Variants in ASTN2 observed in about 807,000 individuals in gnomAD.
ASTN2 encodes astrotactin-2.
A neutral mutation model predicts 139.8 loss-of-function variants in ASTN2; 54 were observed. That is an observed-to-expected ratio of 0.39 (90% CI 0.31 to 0.48). The LOEUF is 0.48. ASTN2 is among the 20% of genes least tolerant of loss of function. The pLI, the probability that ASTN2 is intolerant of heterozygous loss-of-function variation, is 0.95. For synonymous variants in ASTN2, 756 were observed against 719.5 expected, an observed-to-expected ratio of 1.05 and a Z score of -0.81; for missense variants, 1,565 against 1,725.1, an observed-to-expected ratio of 0.91 and a Z score of 1.64.
chr9:117,068,541 T>C (rs896034181), intron 5 of ASTN2, among the ~76,000 whole-genome samples: 1 of 116,618 alleles, frequency 8.6e-6, no homozygotes, highest in Non-Finnish European at 1.8e-5. Flanking sequence ...TTAGGGAGGA[T>C]TCCCTCTTTT....
At chr9:117,081,857 G>T (rs1828437312) in intron 5 of ASTN2, among the ~76,000 whole-genome samples, 1 of 152,160 alleles carries the variant, frequency 6.6e-6, no homozygotes, top group African/African-American at 2.4e-5. Flanking sequence ...CACTCATACA[G>T]CTACAAGGAA....
intron 11 of ASTN2, among the ~76,000 whole-genome samples, chr9:116,825,824 A>C (rs1392895627): frequency 6.6e-6 from 1 of 152,248 alleles, no homozygotes; most frequent in Middle Eastern, 3.2e-3. Flanking sequence ...TGAGAACCCA[A>C]ATAAAATCCC....
intron 11 of ASTN2, among the ~76,000 whole-genome samples, chr9:116,862,843 TACACG>T (rs1832922348): frequency 2.9e-5 from 1 of 34,376 alleles, no homozygotes; most frequent in Non-Finnish European, 6.4e-5. Flanking sequence ...CACACACACA[TACACG>T]TTAAAAAGTC....
rs759539139 is a variant in ASTN2 at position 116,849,801 on chromosome 9, C to T, written c.2040+13782G>A. 7.2e-5 allele frequency among the ~76,000 whole-genome samples: 11 copies of T among 152,164 alleles called. 1 individual carries two copies. The highest frequency in any genetic ancestry group is 1.5e-4 in the Non-Finnish European group (10 of 68,042). On this transcript the variant is annotated intron_variant, in intron 11 of 22. Transcript: ENST00000313400. ...CTCAATTAGCAGCTTGAGGCTGTGT[C>T]CTCACATCACACCTTCTCATTGATC...
At chr9:116,703,363 C>T (rs803920) in intron 16 of ASTN2, among the ~76,000 whole-genome samples, 141,349 of 150,446 alleles carry the variant, frequency 0.94, 66,469 homozygotes, top group African/African-American at 0.98. Flanking sequence ...GAGTTCATTG[C>T]AGATTCTGGA....
intron 2 of ASTN2, among the ~76,000 whole-genome samples, chr9:117,290,645 C>A (rs924837556): frequency 6.6e-6 from 1 of 152,204 alleles, no homozygotes; most frequent in Non-Finnish European, 1.5e-5. Context: ...TCAAGAAATT[C>A]TTGAATTGAG....
intron 1 of ASTN2, among the ~76,000 whole-genome samples, chr9:117,356,764 G>C (rs1381469505): frequency 6.6e-6 from 1 of 152,142 alleles, no homozygotes; most frequent in Non-Finnish European, 1.5e-5. Flanking sequence ...TCTCAGGAAA[G>C]ATAAAGAATT....
intron 19 of ASTN2, among the ~76,000 whole-genome samples, chr9:116,490,603 G>A (rs1315995400): frequency 6.6e-6 from 1 of 152,176 alleles, no homozygotes; most frequent in Admixed American, 6.5e-5. Flanking sequence ...TGCATGGCTA[G>A]AGGGGCCTCA....
rs1196053426 is a variant in ASTN2 at position 116,951,367 on chromosome 9, AG to A, written c.1889+23840del. 5.1e-4 allele frequency among the ~76,000 whole-genome samples: 74 copies of A among 144,310 alleles called. 3 individuals are homozygous for A. Among genetic ancestry groups the A allele is most frequent in the African/African-American group, 1.7e-3 (63 of 37,924 alleles). 94.7% of individuals were successfully genotyped at this position (144,310 alleles called of 152,430 possible). ...AAAAAAAAAAAAAAAAAAAAAAAAA[AG>A]ATCTGTGGTTGTAGATACTGCCATG... On this transcript the variant is annotated intron_variant, in intron 10 of 22. Transcript: ENST00000313400.
chr9:117,167,809 A>G (rs972038878), intron 3 of ASTN2, among the ~76,000 whole-genome samples: 3 of 152,160 alleles, frequency 2.0e-5, no homozygotes, highest in Non-Finnish European at 4.4e-5. Flanking sequence ...TGAACATGTT[A>G]CAGGTAAATC....
intron 10 of ASTN2, among the ~76,000 whole-genome samples, chr9:116,873,276 A>C (rs945120304): frequency 6.6e-6 from 1 of 152,198 alleles, no homozygotes; most frequent in Non-Finnish European, 1.5e-5. Context: ...GCACATGGTG[A>C]CTGCTTTATA....
At chr9:116,905,844 TG>T (rs1834140722) in intron 10 of ASTN2, among the ~76,000 whole-genome samples, 1 of 117,400 alleles carries the variant, frequency 8.5e-6, no homozygotes, top group South Asian at 2.9e-4. Context: ...CAGCAGTAAG[TG>T]ATCCCTGTTT....
chr9:116,493,970 G>A (rs1849598053), intron 19 of ASTN2, among the ~76,000 whole-genome samples: 2 of 152,114 alleles, frequency 1.3e-5, no homozygotes, highest in East Asian at 3.9e-4. Flanking sequence ...GAGAAGCAGA[G>A]CTCTCTCTGC....
At chr9:116,534,827 TG>T (rs1210628906) in intron 19 of ASTN2, among the ~76,000 whole-genome samples, 1 of 152,216 alleles carries the variant, frequency 6.6e-6, no homozygotes, top group East Asian at 1.9e-4. Context: ...CTGAGAAGAA[TG>T]TATATTCTGT....
At chr9:117,170,956 T>G (rs1203332804) in intron 3 of ASTN2, among the ~76,000 whole-genome samples, 1 of 152,080 alleles carries the variant, frequency 6.6e-6, no homozygotes, top group Non-Finnish European at 1.5e-5. Context: ...TGCCCCTTCT[T>G]TATGTGACAG....
At chr9:117,177,558 C>T (rs978062397) in intron 3 of ASTN2, among the ~76,000 whole-genome samples, 1 of 152,110 alleles carries the variant, frequency 6.6e-6, no homozygotes, top group African/African-American at 2.4e-5. Context: ...CAATGTTTTG[C>T]AAATATTTTC....
chr9:116,463,449 C>T (rs1848553634), intron 20 of ASTN2, among the ~76,000 whole-genome samples: 1 of 152,198 alleles, frequency 6.6e-6, no homozygotes, highest in African/African-American at 2.4e-5. Context: ...TCTCAGCCTT[C>T]ATTATATGCT....
rs73657623 is a variant in ASTN2 at position 117,032,150 on chromosome 9, G to A, written c.1423+7669C>T. On this transcript the variant is annotated intron_variant, in intron 6 of 22. Transcript: ENST00000313400. ...ATATAATTCTAGGTAATGTTCATGA[G>A]AGGTGATATTATTTGTCTCTAAGGA... is the stretch of plus-strand genomic sequence containing the variant. Among the ~76,000 whole-genome samples the A allele has an allele frequency of 4.7e-3, 723 of 152,252 alleles. 1 individual carries two copies. Among genetic ancestry groups the A allele is most frequent in the African/African-American group, 0.017 (687 of 41,566 alleles).
chr9:116,664,105 T>A (rs1372336), intron 16 of ASTN2, among the ~76,000 whole-genome samples: 1 of 152,128 alleles, frequency 6.6e-6, no homozygotes, highest in African/African-American at 2.4e-5. Context: ...AGGTAATTGG[T>A]TGAAAAACTA....
Sources: gnomAD v4.1 joint callset for allele counts (sites outside exome capture counted in the v4.1 genomes callset) on GRCh38, gnomAD v4.1.1 for gene constraint, MANE v1.5 for transcripts, NCBI Gene and HGNC (gene_info 2026-07-23, HGNC 2026-07-21) for gene names.